Variants in EEA1 observed in about 807,000 individuals in gnomAD.
EEA1 encodes the protein early endosome antigen 1.
In EEA1, 111 loss-of-function variants were observed where a neutral mutation model predicts 209.2. The ratio of observed to expected loss-of-function variants is 0.53; its 90% CI spans 0.45 to 0.62. EEA1 has a LOEUF of 0.62. Ranked by LOEUF, EEA1 falls within the 20% of genes least tolerant of loss-of-function variation. The pLI is 0.00. For synonymous variants in EEA1, 536 were observed against 540.6 expected, an observed-to-expected ratio of 0.99 and a Z score of 0.12; for missense variants, 1,343 against 1,530.8, an observed-to-expected ratio of 0.88 and a Z score of 2.05.
chr12:92,788,153 G>T, intron 21 of EEA1, 104 bp from the exon 22 acceptor site: 1 of 969,760 alleles, frequency 1.0e-6, no homozygotes, highest in South Asian at 3.0e-5. Flanking sequence ...ACAATAAGAT[G>T]AACTGTACTT....
intron 13 of EEA1, among the ~76,000 whole-genome samples, chr12:92,821,482 G>C (rs1018911171): frequency 6.6e-6 from 1 of 152,002 alleles, no homozygotes; most frequent in Non-Finnish European, 1.5e-5. Context: ...TCCCAAAATA[G>C]CCCAATTCTC....
chr12:92,852,736 G>A (rs189944926), intron 7 of EEA1, among the ~76,000 whole-genome samples, 176 bp downstream of exon 7: 13 of 152,118 alleles, frequency 8.5e-5, no homozygotes, highest in East Asian at 5.8e-4. Context: ...GGCAGCTAGA[G>A]GACAAACAAA....
chr12:92,832,123 G>T (rs1876680231), intron 11 of EEA1, among the ~76,000 whole-genome samples: 1 of 150,784 alleles, frequency 6.6e-6, no homozygotes, highest in African/African-American at 2.4e-5. Flanking sequence ...TATCCAATTT[G>T]TATGCTATTT....
intron 2 of EEA1, among the ~76,000 whole-genome samples, chr12:92,866,337 G>T (rs1878395116): frequency 6.6e-6 from 1 of 151,030 alleles, no homozygotes; most frequent in African/African-American, 2.4e-5. Flanking sequence ...AACTTGTTTT[G>T]CTTCCATCAA....
chr12:92,854,698 A>G (rs1350982566), intron 5 of EEA1, among the ~76,000 whole-genome samples: 5 of 152,326 alleles, frequency 3.3e-5, no homozygotes, highest in African/African-American at 1.2e-4. Context: ...GAGTCTCGGC[A>G]GCCAACACCT....
At chr12:92,826,633 T>G (rs1876313822) in intron 12 of EEA1, among the ~76,000 whole-genome samples, 1 of 149,926 alleles carries the variant, frequency 6.7e-6, no homozygotes, top group Admixed American at 6.7e-5. Flanking sequence ...GAGAATCACT[T>G]GAACCTGAAA....
chr12:92,853,074 C>T (rs1446238186), intron 6 of EEA1, 49 bp from the exon 7 acceptor site: 4 of 1,181,310 alleles, frequency 3.4e-6, no homozygotes, highest in East Asian at 2.4e-5. Context: ...ATTACATATG[C>T]TAAATTGTTA....
At chr12:92,798,609 C>T (rs1057288155) in intron 21 of EEA1, among the ~76,000 whole-genome samples, 11 of 151,908 alleles carry the variant, frequency 7.2e-5, no homozygotes, top group Non-Finnish European at 1.3e-4. Flanking sequence ...CCACTGTGCC[C>T]GGCCAGTTAT....
intron 2 of EEA1, among the ~76,000 whole-genome samples, chr12:92,876,042 A>C (rs139546571): frequency 6.8e-4 from 104 of 152,090 alleles, no homozygotes; most frequent in African/African-American, 1.6e-3. Flanking sequence ...TATTTTTTTC[A>C]ATAACACCAA....
Position 92,861,286 on chromosome 12 carries a change from T to A in EEA1, c.245+3574A>T, listed in dbSNP as rs1193035686. On this transcript the variant is annotated intron_variant, in intron 3 of 28. Transcript: ENST00000322349. Reference sequence around the variant, plus strand: ...GCCTGACCAACATGGAGAAACCCCATCTCTACTAAAAATACAAAATTAGCC... The same window carrying A: ...GCCTGACCAACATGGAGAAACCCCAACTCTACTAAAAATACAAAATTAGCC... 4.6e-5 allele frequency among the ~76,000 whole-genome samples: 7 copies of A among 152,234 alleles called. No individual in the cohort carries two copies. In the East Asian group the frequency reaches 1.4e-3, roughly 29 times the overall value.
At chr12:92,788,709 A>C (rs1874250182) in intron 21 of EEA1, among the ~76,000 whole-genome samples, 1 of 152,198 alleles carries the variant, frequency 6.6e-6, no homozygotes, top group Admixed American at 6.5e-5. Flanking sequence ...ATTGCTGTTG[A>C]AGTCATTAGT....
At chr12:92,888,526 G>A (rs1031387570) in intron 2 of EEA1, among the ~76,000 whole-genome samples, 4 of 151,244 alleles carry the variant, frequency 2.6e-5, no homozygotes, top group African/African-American at 9.7e-5. Context: ...ACAGTGAGCC[G>A]AGATCGCGCC....
At chr12:92,900,869 A>G (rs1880115490) in intron 1 of EEA1, among the ~76,000 whole-genome samples, 1 of 152,174 alleles carries the variant, frequency 6.6e-6, no homozygotes, top group Non-Finnish European at 1.5e-5. Flanking sequence ...GGGTTTCACC[A>G]TGTTGGCCAG....
chr12:92,917,406 C>A (rs1484862127), intron 1 of EEA1, among the ~76,000 whole-genome samples: 1 of 149,020 alleles, frequency 6.7e-6, no homozygotes, highest in Admixed American at 6.7e-5. Flanking sequence ...TCGGCAGAAA[C>A]CCTACAAGCC....
At chr12:92,837,196 T>C (rs1244075043) in intron 10 of EEA1, among the ~76,000 whole-genome samples, 1 of 152,142 alleles carries the variant, frequency 6.6e-6, no homozygotes, top group East Asian at 1.9e-4. Context: ...TAAGCACTTT[T>C]ATTATTTTAT....
chr12:92,783,553 C>T (rs1279257455), intron 22 of EEA1, among the ~76,000 whole-genome samples: 1 of 152,216 alleles, frequency 6.6e-6, no homozygotes, highest in African/African-American at 2.4e-5. Flanking sequence ...ACACTGTCCT[C>T]TTCTCATCTA....
At chr12:92,800,651 T>A (rs12306099) in intron 20 of EEA1, among the ~76,000 whole-genome samples, 204 of 152,352 alleles carry the variant, frequency 1.3e-3, no homozygotes, top group African/African-American at 4.8e-3. Context: ...TACTTTATTA[T>A]AGTCAGTGTA....
At chr12:92,792,251 C>T (rs1874438414) in intron 21 of EEA1, among the ~76,000 whole-genome samples, 1 of 151,666 alleles carries the variant, frequency 6.6e-6, no homozygotes, top group African/African-American at 2.4e-5. Context: ...CAAGCAAGCA[C>T]AAGGCAAGAA....
At chr12:92,824,062 C>A (rs1371855197) in intron 13 of EEA1, among the ~76,000 whole-genome samples, 1 of 152,184 alleles carries the variant, frequency 6.6e-6, no homozygotes, top group Non-Finnish European at 1.5e-5. Flanking sequence ...ATGCAAATCA[C>A]CCTAATCAAG....
Sources: allele counts gnomAD v4.1 joint callset (sites outside exome capture counted in the v4.1 genomes callset), GRCh38; gene constraint gnomAD v4.1.1; transcripts MANE v1.5; gene names NCBI Gene and HGNC (gene_info 2026-07-23, HGNC 2026-07-21).